The following FBXO21 variants were observed in gnomAD, a reference collection of about 807,000 sequenced individuals.
The protein encoded by FBXO21 is F-box only protein 21.
FBXO21 carries 32 observed loss-of-function variants against 76.6 expected under a neutral mutation model. The ratio of observed to expected loss-of-function variants is 0.42; its 90% CI spans 0.32 to 0.56. The LOEUF is 0.56. Ranked by LOEUF, FBXO21 falls within the 20% of genes least tolerant of loss-of-function variation. The pLI is 0.16. For missense variants in FBXO21, 586 were observed against 797.3 expected, an observed-to-expected ratio of 0.73 and a Z score of 3.19; for synonymous variants, 328 against 311.5, an observed-to-expected ratio of 1.05 and a Z score of -0.56.
chr12:117,164,433 C>T (rs951737899), intron 9 of FBXO21, among the ~76,000 whole-genome samples: 28 of 152,044 alleles, frequency 1.8e-4, no homozygotes, highest in Non-Finnish European at 2.9e-4. Flanking sequence ...CCCACCACCA[C>T]GCCCAGCTAA....
At chr12:117,188,160 C>T (rs187634630) in intron 2 of FBXO21, among the ~76,000 whole-genome samples, 16 of 152,266 alleles carry the variant, frequency 1.1e-4, no homozygotes, top group African/African-American at 3.9e-4. Flanking sequence ...AGAACCCCAA[C>T]CAGAAATAAA....
intron 8 of FBXO21, 70 bp from the exon 9 acceptor site, chr12:117,165,687 C>T: frequency 3.4e-6 from 5 of 1,450,286 alleles, no homozygotes; most frequent in African/African-American, 1.4e-5. Context: ...TTTTCAAGGC[C>T]CAGGTTTTAA....
chr12:117,157,881 C>T lies in FBXO21; in HGVS notation c.1509G>A (p.Lys503=), dbSNP rs371338229. The change falls in exon 10 of 12, where the codon AAG becomes AAA. Residue 503 remains lysine (K), a synonymous_variant. Transcript: ENST00000622495. ...DVCYSIGLIM[K]HKRYGYNCVI... is the part of the protein sequence containing the mutation. ...TGATCCCGGGCACTCACCTCTTATG[C>T]TTCATAATGAGCCCGATGGAGTAGC... 4.4e-6 allele frequency: 7 copies of T among 1,604,554 alleles called. No homozygotes were observed. The highest frequency in any genetic ancestry group is 2.7e-5 in the African/African-American group (2 of 74,752).
chr12:117,169,549 C>G (rs966171803), intron 7 of FBXO21, among the ~76,000 whole-genome samples: 3 of 151,230 alleles, frequency 2.0e-5, no homozygotes, highest in Non-Finnish European at 4.4e-5. Flanking sequence ...TGAGTAGACA[C>G]AGAAAAAGAA....
At chr12:117,162,363 T>G (rs1955990137) in intron 9 of FBXO21, among the ~76,000 whole-genome samples, 1 of 152,210 alleles carries the variant, frequency 6.6e-6, no homozygotes, top group Admixed American at 6.5e-5. Flanking sequence ...GGCATCAGCT[T>G]GCCTGCACTG....
chr12:117,174,277 G>A lies in FBXO21; in HGVS notation c.804C>T (p.Val268=), dbSNP rs1377568670. The change falls in exon 6 of 12, where the codon GTC becomes GTT. Residue 268 remains valine, a synonymous_variant. Coordinates refer to ENST00000622495, the MANE Select transcript of FBXO21 (RefSeq NM_015002.3). ...QSQVLDAMNY[V]LYDQLKFKGN... is the part of the protein sequence containing the mutation. ...CCTTGAACTTCAGTTGGTCGTAAAG[G>A]ACATAGTTCATGGCATCCAGCACCT... 2.5e-6 allele frequency: 4 copies of A among 1,613,316 alleles called. No individual in the cohort carries two copies. The highest frequency in any genetic ancestry group is 2.7e-5 in the African/African-American group (2 of 74,882).
intron 9 of FBXO21, 171 bp from the exon 10 acceptor site, chr12:117,158,234 G>A (rs1179968936): frequency 2.8e-5 from 19 of 689,112 alleles, no homozygotes; most frequent in African/African-American, 1.4e-4. Flanking sequence ...CTGATGGACC[G>A]CCACCAAATC....
rs1955752820 is a variant in FBXO21, at chr12:117,145,050, T to TC, written c.*1036_*1037insG. ...GAATAACAAGAGGTGTGAAACCACT[T>TC]TTTTTCCCTTCAAAACCTTTTTTTT... On this transcript the variant is annotated 3_prime_UTR_variant, in exon 12 of 12. Coordinates refer to ENST00000622495, the MANE Select transcript of FBXO21 (RefSeq NM_015002.3). 6.7e-6 allele frequency: 1 copy of TC among 148,560 alleles called. No individual in the cohort carries two copies. The highest frequency in any genetic ancestry group is 2.2e-4 in the South Asian group (1 of 4,636). 9.2% of individuals were successfully genotyped at this position (148,560 alleles called of 1,614,324 possible). A position where few individuals can be genotyped will look rare whatever the true frequency, so the allele number is the denominator to read the frequency against.
chr12:117,159,934 C>T (rs1475251004), intron 9 of FBXO21, among the ~76,000 whole-genome samples: 1 of 152,212 alleles, frequency 6.6e-6, no homozygotes, highest in Non-Finnish European at 1.5e-5. Context: ...AGACATTGTG[C>T]CTCGGGGCCT....
chr12:117,146,157 T>C lies in FBXO21; in HGVS notation c.1796A>G (p.Glu599Gly), dbSNP rs747014658. ...PNAELEIRYP[E>G]DLEFVYETVQ... is the part of the protein sequence containing the mutation. The stretch of plus-strand genomic sequence containing the variant: ...CGTTTCATAGACAAACTCCAGATCT[T>C]CTGGATACCGGATCTCCAGCTCTGC... The change falls in exon 12 of 12, where the codon GAA becomes GGA. Residue 599 changes from glutamate (E) to glycine (G), a missense_variant. Around this residue, in one of 6 missense-constraint regions of FBXO21, gnomAD observed 164 missense variants for 236.7 expected, o/e 0.69. Transcript: ENST00000622495. The C allele has an allele frequency of 1.2e-6, 2 of 1,613,880 alleles. No individual in the cohort carries two copies. The highest frequency in any genetic ancestry group is 8.5e-7 in the Non-Finnish European group (1 of 1,179,964).
chr12:117,158,325 C>T (rs1462865465), intron 9 of FBXO21, among the ~76,000 whole-genome samples: 1 of 152,130 alleles, frequency 6.6e-6, no homozygotes, highest in Admixed American at 6.5e-5. Context: ...CAGTGTCAAC[C>T]TGAGGAGTTC....
intron 2 of FBXO21, among the ~76,000 whole-genome samples, chr12:117,187,003 C>A (rs530030739): frequency 1.3e-5 from 2 of 152,236 alleles, no homozygotes; most frequent in African/African-American, 4.8e-5. Flanking sequence ...GTAATCCCAG[C>A]TACTTGGGAG....
rs186565940 is a variant in FBXO21 at position 117,148,871 on chromosome 12, G to A, written c.1676-2594C>T. Among the ~76,000 whole-genome samples the A allele has an allele frequency of 9.2e-5, 14 of 152,274 alleles. No homozygotes were observed. The East Asian group carries it at 1.7e-3, about 19-fold the overall frequency. ...GTTTCAGGACCTCCCACTTTTCCCC[G>A]AAGGAAACTGAGTCATCCACTAACT... On this transcript the variant is annotated intron_variant, in intron 11 of 11. Transcript: ENST00000622495.
intron 3 of FBXO21, among the ~76,000 whole-genome samples, chr12:117,178,671 T>TC (rs79696521): frequency 0.39 from 58,706 of 151,650 alleles, 12,310 homozygotes; most frequent in Admixed American, 0.55. Flanking sequence ...AGTGCCCTGT[T>TC]CTTCTGCCTG....
intron 3 of FBXO21, among the ~76,000 whole-genome samples, chr12:117,182,656 A>G (rs4767515): frequency 0.56 from 81,484 of 146,608 alleles, 22,777 homozygotes; most frequent in Admixed American, 0.66. Context: ...TCAGCCTCCC[A>G]GGTTCAAGCA....
intron 10 of FBXO21, 145 bp from the exon 11 acceptor site, chr12:117,156,093 A>G (rs1278495752): frequency 7.6e-6 from 5 of 655,046 alleles, no homozygotes; most frequent in African/African-American, 1.8e-5. Context: ...AACCCCTTTT[A>G]TAAACACCTC....
At chr12:117,157,805 A>G in intron 10 of FBXO21, 68 bp downstream of exon 10, 1 of 1,391,182 alleles carries the variant, frequency 7.2e-7, no homozygotes. Context: ...GGGGCTCACC[A>G]GGTGCATGTG....
chr12:117,174,611 T>A (rs760702920), intron 5 of FBXO21, 40 bp downstream of exon 5: 4 of 1,596,004 alleles, frequency 2.5e-6, no homozygotes, highest in Non-Finnish European at 3.4e-6. Flanking sequence ...CCTCTAGATT[T>A]TCTTTCATAA....
chr12:117,189,045 T>C (rs1317751426), intron 2 of FBXO21, 182 bp downstream of exon 2: 3 of 680,554 alleles, frequency 4.4e-6, no homozygotes, highest in African/African-American at 1.8e-5. Context: ...CACAGACAAA[T>C]GGCTTCGTGT....
Sources: gnomAD v4.1 joint callset for allele counts (sites outside exome capture counted in the v4.1 genomes callset) on GRCh38, gnomAD v4.1.1 for gene constraint, gnomAD v4.1.1 regional missense constraint, MANE v1.5 for transcripts, NCBI Gene and HGNC (gene_info 2026-07-23, HGNC 2026-07-21) for gene names.